RYR3: variants seen among roughly 807,000 people sequenced by gnomAD.
RYR3 encodes ryanodine receptor 3, also known as brain ryanodine receptor-calcium release channel.
RYR3 carries 207 observed loss-of-function variants against 584.3 expected under a neutral mutation model. The observed-to-expected ratio is 0.35, with a 90% CI of 0.32 to 0.40. The LOEUF (loss-of-function observed/expected upper bound fraction) is 0.40. RYR3 is among the 10% of genes least tolerant of loss of function. The pLI, the probability that RYR3 is intolerant of heterozygous loss-of-function variation, is 1.00. For missense variants in RYR3, 5,616 were observed against 6,089.2 expected (o/e 0.92, Z 2.59); for synonymous variants, 2,416 against 2,248.5 (o/e 1.07, Z -2.11).
At chr15:33,795,606 C>A (rs2075565291) in intron 67 of RYR3, among the ~76,000 whole-genome samples, 1 of 152,012 alleles carries the variant, frequency 6.6e-6, no homozygotes, top group Non-Finnish European at 1.5e-5. Context: ...GTTGGTCAGG[C>A]TGGTCTTGAA....
At chr15:33,596,226 A>G (rs915941590) in intron 16 of RYR3, among the ~76,000 whole-genome samples, 7 of 151,924 alleles carry the variant, frequency 4.6e-5, no homozygotes, top group African/African-American at 1.5e-4. Context: ...TTCTTTAACA[A>G]TAATGTTTTC....
intron 36 of RYR3, among the ~76,000 whole-genome samples, chr15:33,667,521 C>T (rs1407556854): frequency 1.3e-5 from 2 of 152,034 alleles, no homozygotes; most frequent in African/African-American, 2.4e-5. Flanking sequence ...TCATTCCTTA[C>T]TACTTCAAGA....
chr15:33,565,068 G>A (rs2057631293), intron 11 of RYR3, among the ~76,000 whole-genome samples: 1 of 151,928 alleles, frequency 6.6e-6, no homozygotes, highest in Non-Finnish European at 1.5e-5. Flanking sequence ...TAGGCTTCTT[G>A]TCCCTGCTCT....
intron 45 of RYR3, 120 bp from the exon 46 acceptor site, chr15:33,726,266 G>A: frequency 9.2e-7 from 1 of 1,086,934 alleles, no homozygotes; most frequent in Non-Finnish European, 1.3e-6. Flanking sequence ...GTAGCAATTA[G>A]GGAAACATAG....
intron 1 of RYR3, among the ~76,000 whole-genome samples, chr15:33,333,379 A>C (rs1044782460): frequency 7.2e-5 from 11 of 152,184 alleles, no homozygotes; most frequent in African/African-American, 2.7e-4. Flanking sequence ...CCAGAATACA[A>C]GGTTGGTTTA....
chr15:33,628,555 C>T lies in RYR3; in HGVS notation c.2659C>T (p.Leu887Phe), dbSNP rs1236573381. The T allele has an allele frequency of 3.7e-6, 6 of 1,612,584 alleles. No homozygotes were observed. Among genetic ancestry groups the T allele is most frequent in the South Asian group, 2.2e-5 (2 of 91,040 alleles). The change falls in exon 21 of 104, where the codon CTT (leucine) becomes TTT (phenylalanine). Residue 887 changes from leucine to phenylalanine, a missense_variant. Transcript: ENST00000634891. ...GCTTTGGGGAATGAATAAAATAGAA[C>T]TTGGCTGGACTTTCGGCAAGGTATG... is the stretch of plus-strand genomic sequence containing the variant. ...HELWGMNKIE[L>F]GWTFGKIRDD...
At chr15:33,853,787 G>T in intron 96 of RYR3, 105 bp downstream of exon 96, 1 of 1,441,872 alleles carries the variant, frequency 6.9e-7, no homozygotes. Flanking sequence ...TCAGGCTGTG[G>T]TCTGGCTTAG....
chr15:33,498,904 T>G (rs564129101), intron 2 of RYR3, among the ~76,000 whole-genome samples: 1 of 152,284 alleles, frequency 6.6e-6, no homozygotes, highest in East Asian at 1.9e-4. Flanking sequence ...CACGTTCAGT[T>G]TTCTCAGCAC....
chr15:33,377,868 A>AGCCTTGAC (rs145742102), intron 1 of RYR3, among the ~76,000 whole-genome samples: 24,227 of 151,772 alleles, frequency 0.16, 2,243 homozygotes, highest in African/African-American at 0.25. Flanking sequence ...ATCATGGCTC[A>AGCCTTGAC]CTCCCAGGCC....
chr15:33,468,866 C>T lies in RYR3; in HGVS notation c.52-4553C>T, dbSNP rs2048693506. Among the ~76,000 whole-genome samples the T allele has an allele frequency of 2.0e-5, 3 of 152,164 alleles. No homozygotes were observed. The South Asian group carries it at 6.2e-4, about 32-fold the overall frequency. On this transcript the variant is annotated intron_variant, in intron 1 of 103. Coordinates refer to ENST00000634891, the MANE Select transcript of RYR3 (RefSeq NM_001036.6). ...GTAGCAAGTGCATCAATATAGGCTG[C>T]CTGGATTAGATACCAGGCTCTGCCC... is the stretch of plus-strand genomic sequence containing the variant.
intron 19 of RYR3, among the ~76,000 whole-genome samples, chr15:33,615,529 T>C (rs2060405589): frequency 6.6e-6 from 1 of 152,224 alleles, no homozygotes; most frequent in African/African-American, 2.4e-5. Flanking sequence ...ATGGATATAA[T>C]ATATTGAAGT....
At chr15:33,346,120 C>T (rs1972430588) in intron 1 of RYR3, among the ~76,000 whole-genome samples, 1 of 152,092 alleles carries the variant, frequency 6.6e-6, no homozygotes, top group African/African-American at 2.4e-5. Flanking sequence ...ATACCAACTT[C>T]CAAAGGATAT....
At chr15:33,621,643 T>C (rs573936290) in intron 19 of RYR3, among the ~76,000 whole-genome samples, 1 of 152,268 alleles carries the variant, frequency 6.6e-6, no homozygotes, top group Admixed American at 6.5e-5. Flanking sequence ...TCTATATCAT[T>C]ATTATTGAGT....
intron 60 of RYR3, among the ~76,000 whole-genome samples, chr15:33,764,213 G>A (rs1480290261): frequency 6.6e-6 from 1 of 152,174 alleles, no homozygotes; most frequent in African/African-American, 2.4e-5. Flanking sequence ...TAAAGAAGAT[G>A]TGGCACATAT....
At position 33,376,302 on chromosome 15, in the gene RYR3, G is replaced by A. The variant is rs147821609; in HGVS notation, c.51+65206G>A. Among the ~76,000 whole-genome samples, 798 of 152,218 alleles carry A rather than the reference G, an allele frequency of 5.2e-3. 6 individuals are homozygous for A. The highest frequency in any genetic ancestry group is 0.014 in the Middle Eastern group (4 of 294). On this transcript the variant is annotated intron_variant, in intron 1 of 103. Coordinates refer to ENST00000634891, the MANE Select transcript of RYR3 (RefSeq NM_001036.6). ...ATGATATTGAGTGTATCAGTAGTTT[G>A]TTCCTTTTTATTGTTGAGTAATATT...
intron 1 of RYR3, among the ~76,000 whole-genome samples, chr15:33,466,379 A>G (rs976415253): frequency 9.2e-5 from 14 of 152,236 alleles, no homozygotes; most frequent in East Asian, 3.8e-4. Flanking sequence ...AAGTCTGTCA[A>G]TTTGCTTCTT....
intron 43 of RYR3, among the ~76,000 whole-genome samples, chr15:33,721,932 A>C (rs769405863): frequency 1.7e-4 from 26 of 152,194 alleles, no homozygotes; most frequent in Non-Finnish European, 2.6e-4. Flanking sequence ...CCAAAAACAA[A>C]TGCCACAGAA....
intron 67 of RYR3, among the ~76,000 whole-genome samples, chr15:33,794,025 TA>T (rs1227192881): frequency 8.0e-6 from 1 of 124,688 alleles, no homozygotes. Flanking sequence ...ATATTATATA[TA>T]AATATATACA....
chr15:33,388,400 T>G (rs974478702), intron 1 of RYR3, among the ~76,000 whole-genome samples: 3 of 152,128 alleles, frequency 2.0e-5, no homozygotes, highest in African/African-American at 7.2e-5. Flanking sequence ...AATCCCAGGT[T>G]GACAGCTGAA....
Sources: gnomAD v4.1 joint callset for allele counts (sites outside exome capture counted in the v4.1 genomes callset) on GRCh38, gnomAD v4.1.1 for gene constraint, MANE v1.5 for transcripts, NCBI Gene and HGNC (gene_info 2026-07-23, HGNC 2026-07-21) for gene names.